The following CSMD1 variants were observed in gnomAD, a reference collection of about 807,000 sequenced individuals.
The protein encoded by CSMD1 is CUB and sushi domain-containing protein 1.
Under a neutral mutation model 417.5 loss-of-function variants are expected in CSMD1, and 213 were observed. That is an observed-to-expected ratio of 0.51 (90% CI 0.46 to 0.57). The LOEUF is 0.57. Among genes scored for constraint, CSMD1 ranks in the 20% least tolerant of loss-of-function variants. The pLI is 0.00. For missense variants in CSMD1, 6,923 were observed against 4,529.7 expected, an observed-to-expected ratio of 1.53 and a Z score of -15.17; for synonymous variants, 2,862 against 1,736.8, an observed-to-expected ratio of 1.65 and a Z score of -16.11.
intron 12 of CSMD1, among the ~76,000 whole-genome samples, chr8:3,462,353 A>G (rs1050433406): frequency 1.3e-5 from 2 of 152,064 alleles, no homozygotes; most frequent in Non-Finnish European, 2.9e-5. Flanking sequence ...AGGGACCAGT[A>G]CTCGTCCATG....
chr8:3,260,346 G>A (rs889309640), intron 26 of CSMD1, among the ~76,000 whole-genome samples: 2 of 152,134 alleles, frequency 1.3e-5, no homozygotes, highest in African/African-American at 4.8e-5. Flanking sequence ...GGAACCAGCA[G>A]CTGGAGTTTT....
chr8:4,432,997 T>G (rs1188948011), intron 2 of CSMD1, among the ~76,000 whole-genome samples: 2 of 152,112 alleles, frequency 1.3e-5, no homozygotes, highest in African/African-American at 4.8e-5. Context: ...GTGGGAGCAT[T>G]ACATTCCCAC....
intron 5 of CSMD1, among the ~76,000 whole-genome samples, chr8:3,839,292 A>G (rs1261397226): frequency 8.1e-6 from 1 of 124,152 alleles, no homozygotes; most frequent in African/African-American, 3.0e-5. Context: ...TATTAATTAT[A>G]TATACTATTA....
intron 2 of CSMD1, among the ~76,000 whole-genome samples, chr8:4,451,356 A>G (rs943369734): frequency 6.6e-6 from 1 of 152,180 alleles, no homozygotes; most frequent in Non-Finnish European, 1.5e-5. Context: ...ACTCAAAATA[A>G]TAAGGCAATC....
intron 1 of CSMD1, among the ~76,000 whole-genome samples, chr8:4,974,167 C>A (rs571685856): frequency 6.7e-6 from 1 of 149,290 alleles, no homozygotes; most frequent in East Asian, 2.0e-4. Flanking sequence ...CAGGCACATG[C>A]CACCACACCC....
At chr8:4,557,801 A>G (rs937359947) in intron 2 of CSMD1, among the ~76,000 whole-genome samples, 1 of 152,206 alleles carries the variant, frequency 6.6e-6, no homozygotes, top group African/African-American at 2.4e-5. Flanking sequence ...CGTTCAGGTT[A>G]GATTTCTTTT....
chr8:3,302,238 T>A (rs1468515053), intron 25 of CSMD1, among the ~76,000 whole-genome samples: 1 of 152,188 alleles, frequency 6.6e-6, no homozygotes, highest in Non-Finnish European at 1.5e-5. Context: ...GCTTCCACCA[T>A]TTTATCTCTT....
chr8:4,176,077 C>G (rs758197062), intron 3 of CSMD1, among the ~76,000 whole-genome samples: 1 of 152,068 alleles, frequency 6.6e-6, no homozygotes, highest in Non-Finnish European at 1.5e-5. Context: ...GATGTGGAAC[C>G]CTTGCAGAAT....
At chr8:3,449,201 C>T (rs1424837856) in intron 12 of CSMD1, among the ~76,000 whole-genome samples, 1 of 152,162 alleles carries the variant, frequency 6.6e-6, no homozygotes, top group Non-Finnish European at 1.5e-5. Context: ...AAATTATTTG[C>T]ATCAAAATAG....
intron 3 of CSMD1, among the ~76,000 whole-genome samples, chr8:4,112,266 T>C (rs1801896479): frequency 1.3e-5 from 2 of 152,134 alleles, no homozygotes; most frequent in Non-Finnish European, 2.9e-5. Context: ...CATCAATGAA[T>C]GTCTCTGATA....
At chr8:3,336,782 C>T (rs1335784363) in intron 23 of CSMD1, among the ~76,000 whole-genome samples, 1 of 152,146 alleles carries the variant, frequency 6.6e-6, no homozygotes, top group Non-Finnish European at 1.5e-5. Context: ...CATCGCTGGC[C>T]CTGGGCTGTG....
At chr8:3,901,347 T>G (rs930817476) in intron 5 of CSMD1, among the ~76,000 whole-genome samples, 6 of 152,234 alleles carry the variant, frequency 3.9e-5, no homozygotes, top group Non-Finnish European at 8.8e-5. Context: ...CAATTTAATT[T>G]TTTTCAAAGT....
chr8:4,761,287 T>C lies in CSMD1; in HGVS notation c.86-123729A>G, dbSNP rs560223924. On this transcript the variant is annotated intron_variant, in intron 1 of 69. Transcript: ENST00000635120. The stretch of plus-strand genomic sequence containing the variant: ...ACAGGAAAGCATGGTCAGTGTAAAA[T>C]GCACAAGGGATTTTGAACAACTAAT... 6.6e-5 allele frequency among the ~76,000 whole-genome samples: 10 copies of C among 152,066 alleles called. No homozygotes were observed. In the South Asian group the frequency reaches 1.0e-3, roughly 16 times the overall value.
At chr8:4,706,815 G>T (rs1807973114) in intron 1 of CSMD1, among the ~76,000 whole-genome samples, 1 of 152,210 alleles carries the variant, frequency 6.6e-6, no homozygotes, top group African/African-American at 2.4e-5. Context: ...ACTTGTGTCA[G>T]ATAAACACAG....
chr8:3,927,553 T>C (rs1809831635), intron 5 of CSMD1, among the ~76,000 whole-genome samples: 1 of 149,562 alleles, frequency 6.7e-6, no homozygotes, highest in South Asian at 2.1e-4. Context: ...TAATCCCAGC[T>C]ACTAGAGAGG....
chr8:4,419,056 A>T (rs1187806652), intron 3 of CSMD1, among the ~76,000 whole-genome samples: 1 of 152,216 alleles, frequency 6.6e-6, no homozygotes, highest in African/African-American at 2.4e-5. Context: ...CCCACAAAAT[A>T]CGATTTTTGC....
chr8:3,706,749 T>G (rs1235924504), intron 7 of CSMD1, among the ~76,000 whole-genome samples: 1 of 151,620 alleles, frequency 6.6e-6, no homozygotes, highest in Non-Finnish European at 1.5e-5. Flanking sequence ...TTGTGCAGGG[T>G]TTTATCATAA....
chr8:3,993,136 A>G (rs951613432), intron 5 of CSMD1, among the ~76,000 whole-genome samples: 6 of 152,244 alleles, frequency 3.9e-5, no homozygotes, highest in African/African-American at 1.4e-4. Context: ...CTTGGTGCCA[A>G]TAATTACACT....
chr8:4,569,448 G>C (rs540189385), intron 2 of CSMD1, among the ~76,000 whole-genome samples: 1 of 152,068 alleles, frequency 6.6e-6, no homozygotes, highest in African/African-American at 2.4e-5. Flanking sequence ...AACATCAGAT[G>C]GTTGTAGATG....
Sources: allele counts gnomAD v4.1 joint callset (sites outside exome capture counted in the v4.1 genomes callset), GRCh38; gene constraint gnomAD v4.1.1; transcripts MANE v1.5; gene names NCBI Gene and HGNC (gene_info 2026-07-23, HGNC 2026-07-21).